Variants in SEMA3A observed in about 807,000 individuals in gnomAD.
SEMA3A encodes the protein semaphorin 3A.
A neutral mutation model predicts 97.9 loss-of-function variants in SEMA3A; 29 were observed. The observed-to-expected ratio is 0.30, with a 90% CI of 0.22 to 0.40. The LOEUF (loss-of-function observed/expected upper bound fraction) is 0.40, where lower values mean the gene tolerates loss of function less well. SEMA3A is among the 10% of genes least tolerant of loss of function. The pLI, the probability that SEMA3A is intolerant of heterozygous loss-of-function variation, is 1.00. For synonymous variants in SEMA3A, 321 were observed against 323.7 expected (o/e 0.99, Z 0.09); for missense variants, 763 against 951.3 (o/e 0.80, Z 2.60).
At chr7:84,420,571 A>ATCTTTT (rs1205869522) in intron 1 of SEMA3A, among the ~76,000 whole-genome samples, 54 of 152,126 alleles carry the variant, frequency 3.5e-4, no homozygotes, top group African/African-American at 1.2e-3. Context: ...TATGAAGAAT[A>ATCTTTT]ATGGCAAAAA....
chr7:84,181,211 C>T (rs1039138736), intron 1 of SEMA3A, among the ~76,000 whole-genome samples: 3 of 151,226 alleles, frequency 2.0e-5, no homozygotes, highest in Admixed American at 6.6e-5. Flanking sequence ...TCTGGGTTTA[C>T]ATATAGCATA....
intron 1 of SEMA3A, among the ~76,000 whole-genome samples, chr7:84,188,259 A>G (rs1255149162): frequency 6.6e-6 from 1 of 151,990 alleles, no homozygotes; most frequent in East Asian, 1.9e-4. Context: ...GCTTATCTTC[A>G]TTCCCCAATT....
chr7:84,470,586 G>A (rs958416078), intron 1 of SEMA3A, among the ~76,000 whole-genome samples: 2 of 152,048 alleles, frequency 1.3e-5, no homozygotes, highest in African/African-American at 4.8e-5. Flanking sequence ...ATGTAAAACT[G>A]TGACTGTCAG....
At chr7:84,223,633 C>T (rs1020154808) in intron 3 of SEMA3A, among the ~76,000 whole-genome samples, 2 of 151,724 alleles carry the variant, frequency 1.3e-5, no homozygotes, top group East Asian at 1.9e-4. Flanking sequence ...AATGGGGATT[C>T]TAAAAACCAT....
chr7:83,961,959 A>C (rs541229438), intron 16 of SEMA3A, 133 bp from the exon 17 acceptor site: 9 of 593,158 alleles, frequency 1.5e-5, no homozygotes, highest in South Asian at 7.8e-5. Context: ...TTTTTAATTT[A>C]AGAGAAGTGA....
At chr7:84,459,683 A>C (rs1484281149) in intron 1 of SEMA3A, among the ~76,000 whole-genome samples, 1 of 152,208 alleles carries the variant, frequency 6.6e-6, no homozygotes, top group African/African-American at 2.4e-5. Context: ...TAACTTTAAT[A>C]ATCTTAAGGA....
chr7:84,223,263 C>T (rs1584141752), intron 3 of SEMA3A, among the ~76,000 whole-genome samples: 1 of 151,682 alleles, frequency 6.6e-6, no homozygotes, highest in Non-Finnish European at 1.5e-5. Flanking sequence ...GTAAGTAAAG[C>T]TGCTTTGTTA....
chr7:84,422,334 G>A (rs1337914687), intron 1 of SEMA3A, among the ~76,000 whole-genome samples: 1 of 151,898 alleles, frequency 6.6e-6, no homozygotes, highest in Non-Finnish European at 1.5e-5. Flanking sequence ...TCGGATGGTA[G>A]TTTGTATTTC....
At chr7:84,008,335 C>CA (rs1333984657) in intron 9 of SEMA3A, among the ~76,000 whole-genome samples, 1 of 151,536 alleles carries the variant, frequency 6.6e-6, no homozygotes. Context: ...ACTAAAAATA[C>CA]AAAAAATTAG....
chr7:84,165,615 C>T (rs1354036988), intron 1 of SEMA3A, among the ~76,000 whole-genome samples: 4 of 152,058 alleles, frequency 2.6e-5, no homozygotes, highest in Admixed American at 6.6e-5. Flanking sequence ...TGCAGTGTCG[C>T]GATCTCAGCT....
In SEMA3A at chr7:84,303,214, G is replaced by A. The variant is rs1019957162; in HGVS notation, c.-83+3993C>T. On this transcript the variant is annotated intron_variant, in intron 3 of 3. Coordinates refer to the SEMA3A transcript ENST00000424555. ...AACCAAGCCTCTAAGCACTCTTTAT[G>A]ACCCTGTGGGCACTAACATTTGAGT... 3.9e-5 allele frequency among the ~76,000 whole-genome samples: 6 copies of A among 152,164 alleles called. No homozygotes were observed. The South Asian group carries it at 1.2e-3, about 32-fold the overall frequency.
At chr7:84,322,683 T>C (rs969191975) in intron 2 of SEMA3A, among the ~76,000 whole-genome samples, 1 of 152,206 alleles carries the variant, frequency 6.6e-6, no homozygotes, top group African/African-American at 2.4e-5. Flanking sequence ...TAAACTTCCT[T>C]CCTTTATAAA....
chr7:84,414,627 C>T (rs1228954), intron 1 of SEMA3A, among the ~76,000 whole-genome samples: 26,859 of 151,802 alleles, frequency 0.18, 2,515 homozygotes, highest in Middle Eastern at 0.22. Flanking sequence ...AGTTGTTTAA[C>T]CTTAGTGTAA....
At chr7:84,005,891 G>C (rs902521095) in intron 10 of SEMA3A, among the ~76,000 whole-genome samples, 1 of 152,150 alleles carries the variant, frequency 6.6e-6, no homozygotes, top group Admixed American at 6.5e-5. Flanking sequence ...GGAGGTTGCA[G>C]TGAACTGAGA....
At chr7:84,236,816 G>C (rs969387998) in intron 3 of SEMA3A, among the ~76,000 whole-genome samples, 1 of 151,970 alleles carries the variant, frequency 6.6e-6, no homozygotes, top group African/African-American at 2.4e-5. Context: ...GTCATTTATG[G>C]AGTGTACATC....
At position 84,350,614 on chromosome 7, in the gene SEMA3A, T is replaced by C. The variant is rs534245225; in HGVS notation, c.-169+21210A>G. Among the ~76,000 whole-genome samples, 4 of 152,292 alleles carry C rather than the reference T, an allele frequency of 2.6e-5. No homozygotes were observed. In the South Asian group the frequency reaches 8.3e-4, roughly 32 times the overall value. Reference sequence around the variant, plus strand: ...TTACTAGTAAAAATGGATATATTCATCTTTGTTTTTCATTTACCTTGTTTA... The same window carrying C: ...TTACTAGTAAAAATGGATATATTCACCTTTGTTTTTCATTTACCTTGTTTA... On this transcript the variant is annotated intron_variant, in intron 2 of 3. Coordinates refer to the SEMA3A transcript ENST00000424555.
At chr7:84,236,506 G>C (rs1799238947) in intron 3 of SEMA3A, among the ~76,000 whole-genome samples, 1 of 151,978 alleles carries the variant, frequency 6.6e-6, no homozygotes, top group Admixed American at 6.6e-5. Flanking sequence ...TATTAGTTTG[G>C]CATTTCAGGC....
intron 4 of SEMA3A, among the ~76,000 whole-genome samples, chr7:84,091,494 G>T (rs967700093): frequency 2.0e-5 from 3 of 152,144 alleles, no homozygotes; most frequent in Non-Finnish European, 4.4e-5. Context: ...ATCAGGGCAT[G>T]CTGGGTTAAG....
intron 1 of SEMA3A, among the ~76,000 whole-genome samples, chr7:84,153,410 T>C (rs1018757270): frequency 2.0e-5 from 3 of 152,152 alleles, no homozygotes; most frequent in Non-Finnish European, 4.4e-5. Flanking sequence ...TGCACACTGA[T>C]TTAATATACA....
Sources: gnomAD v4.1 joint callset for allele counts (sites outside exome capture counted in the v4.1 genomes callset) on GRCh38, gnomAD v4.1.1 for gene constraint, MANE v1.5 for transcripts, NCBI Gene and HGNC (gene_info 2026-07-23, HGNC 2026-07-21) for gene names.